UBR3: variants seen among roughly 807,000 people sequenced by gnomAD.
UBR3 encodes the protein ubiquitin protein ligase E3 component n-recognin 3, also known as E3 ubiquitin-protein ligase UBR3.
A neutral mutation model predicts 243.2 loss-of-function variants in UBR3; 85 were observed. The ratio of observed to expected loss-of-function variants is 0.35; its 90% confidence interval spans 0.29 to 0.42. UBR3 has a LOEUF of 0.42. Ranked by LOEUF, UBR3 falls within the 10% of genes least tolerant of loss-of-function variation. The probability of loss-of-function intolerance (pLI) is 1.00; values close to 1 mark genes in which losing one functional copy is unlikely to be tolerated. For missense variants in UBR3, 1,686 were observed against 2,300.8 expected, an observed-to-expected ratio of 0.73 and a Z score of 5.47; for synonymous variants, 748 against 799.8, an observed-to-expected ratio of 0.94 and a Z score of 1.09.
At chr2:169,982,656 G>A (rs1319942202) in intron 24 of UBR3, among the ~76,000 whole-genome samples, 1 of 151,756 alleles carries the variant, frequency 6.6e-6, no homozygotes, top group East Asian at 1.9e-4. Flanking sequence ...TATTCCAGAC[G>A]GAAACACCTT....
chr2:170,066,519 C>CT (rs35128265), intron 35 of UBR3, among the ~76,000 whole-genome samples: 1 of 151,952 alleles, frequency 6.6e-6, no homozygotes. Flanking sequence ...CTAGCCCCCC[C>CT]ACCTCCATAA....
intron 30 of UBR3, among the ~76,000 whole-genome samples, chr2:170,022,017 A>G (rs1220572611): frequency 6.6e-6 from 1 of 152,140 alleles, no homozygotes. Flanking sequence ...ATTTTAAACG[A>G]GGTGCTTAAA....
Position 170,007,166 on chromosome 2 carries a change from G to C in UBR3, c.4206G>C (p.Leu1402=). The change falls in exon 28 of 39, where the codon CTG becomes CTC. Residue 1402 remains leucine (L), a synonymous_variant. Transcript: ENST00000272793. ...IQDLIKEVEE[L]QGRPGAFPSE... The stretch of plus-strand genomic sequence containing the variant: ...ATCTCATAAAGGAAGTGGAGGAGCT[G>C]CAGGGACGACCGGGAGCTTTCCCAG... 1 of 1,608,114 alleles carries C rather than the reference G, an allele frequency of 6.2e-7. No individual in the cohort carries two copies.
rs1314442646 is a variant in UBR3 at position 170,080,035 on chromosome 2, T to C, written c.5409+12T>C. 5 of 1,598,072 alleles carry C rather than the reference T, an allele frequency of 3.1e-6. No individual in the cohort carries two copies. Among genetic ancestry groups the C allele is most frequent in the Non-Finnish European group, 4.3e-6 (5 of 1,174,512 alleles). ...GTGAATGTGTACTGGTAAGCAATAGTAGATAATACAAAATTTATGAAAACA... is the reference window on the plus strand; with the variant it reads ...GTGAATGTGTACTGGTAAGCAATAGCAGATAATACAAAATTTATGAAAACA... On this transcript the variant is annotated intron_variant, in intron 37 of 38. Transcript: ENST00000272793.
intron 1 of UBR3, among the ~76,000 whole-genome samples, chr2:169,851,369 T>TA (rs1377868265): frequency 1.3e-5 from 2 of 152,240 alleles, no homozygotes; most frequent in Non-Finnish European, 2.9e-5. Flanking sequence ...AATCAAGTGA[T>TA]ACGCCTGCCT....
intron 5 of UBR3, among the ~76,000 whole-genome samples, chr2:169,881,546 T>C (rs971497698): frequency 6.6e-6 from 1 of 150,984 alleles, no homozygotes; most frequent in Non-Finnish European, 1.5e-5. Context: ...AATAGGGTCA[T>C]TTAGGCATTT....
chr2:170,079,789 T>C (rs2091877223), intron 36 of UBR3, 25 bp from the exon 37 acceptor site: 4 of 1,577,232 alleles, frequency 2.5e-6, no homozygotes, highest in South Asian at 2.3e-5. Flanking sequence ...ATAAAACTAA[T>C]GAATATTTTT....
At position 170,007,144 on chromosome 2, in the gene UBR3, T is replaced by C; in HGVS notation, c.4184T>C (p.Leu1395Pro). Reference sequence around the variant, plus strand: ...CCTAGCAACAAAAGCATACAAGATCTCATAAAGGAAGTGGAGGAGCTGCAG... The same window carrying C: ...CCTAGCAACAAAAGCATACAAGATCCCATAAAGGAAGTGGAGGAGCTGCAG... ...QRPSNKSIQD[L>P]IKEVEELQGR... The change falls in exon 28 of 39, where the codon CTC becomes CCC. Residue 1395 changes from leucine to proline, a missense_variant. By Grantham distance (98) the Leu-to-Pro change is moderately conservative (BLOSUM62 -3). Coordinates refer to ENST00000272793, the MANE Select transcript of UBR3 (RefSeq NM_172070.4). The C allele has an allele frequency of 6.2e-7, 1 of 1,612,806 alleles. No homozygotes were observed. The highest frequency in any genetic ancestry group is 8.5e-7 in the Non-Finnish European group (1 of 1,179,462).
intron 1 of UBR3, among the ~76,000 whole-genome samples, chr2:169,840,250 C>T (rs189002162): frequency 6.6e-6 from 1 of 152,340 alleles, no homozygotes; most frequent in African/African-American, 2.4e-5. Flanking sequence ...TTCCCCCCAC[C>T]TCCCTCTGGG....
intron 1 of UBR3, among the ~76,000 whole-genome samples, chr2:169,837,136 TGTA>T (rs200639081): frequency 2.9e-3 from 438 of 152,336 alleles, no homozygotes; most frequent in African/African-American, 1.0e-2. Context: ...TATTTTTACA[TGTA>T]GTATGAGATT....
At chr2:170,080,070 T>C in intron 37 of UBR3, 47 bp downstream of exon 37, 1 of 1,523,954 alleles carries the variant, frequency 6.6e-7, no homozygotes, top group Non-Finnish European at 9.0e-7. Flanking sequence ...ACAGATCTCA[T>C]ATCACAAAAT....
Position 170,068,451 on chromosome 2 carries a change from G to C in UBR3, c.5020-4977G>C, listed in dbSNP as rs1026989590. On this transcript the variant is annotated intron_variant, in intron 35 of 38. Coordinates refer to ENST00000272793, the MANE Select transcript of UBR3 (RefSeq NM_172070.4). ...CCACTACACTCCAGTCTGGGTGACAGAGCGAGACCCTGTCTCAAAAAAATT... is the reference window on the plus strand; with the variant it reads ...CCACTACACTCCAGTCTGGGTGACACAGCGAGACCCTGTCTCAAAAAAATT... Among the ~76,000 whole-genome samples the C allele has an allele frequency of 2.0e-5, 3 of 152,154 alleles. No individual in the cohort carries two copies. The South Asian group carries it at 6.2e-4, about 32-fold the overall frequency.
chr2:170,072,430 C>T (rs954447155), intron 35 of UBR3, among the ~76,000 whole-genome samples: 6 of 125,864 alleles, frequency 4.8e-5, no homozygotes, highest in African/African-American at 1.8e-4. Flanking sequence ...TGTGGGGTAG[C>T]GGGAGGGGGG....
chr2:169,891,712 A>T (rs930842918), intron 6 of UBR3, among the ~76,000 whole-genome samples: 3 of 152,140 alleles, frequency 2.0e-5, no homozygotes, highest in African/African-American at 7.2e-5. Flanking sequence ...CAAAGGAGAA[A>T]GTATTATAAA....
chr2:170,007,188 C>G lies in UBR3; in HGVS notation c.4228C>G (p.Pro1410Ala). The change falls in exon 28 of 39, where the codon CCA (proline) becomes GCA (alanine). Residue 1410 changes from proline (P) to alanine (A), a missense_variant and splice_region_variant. Pro to Ala is a conservative substitution (Grantham distance 27). Coordinates refer to ENST00000272793, the MANE Select transcript of UBR3 (RefSeq NM_172070.4). ...GCTGCAGGGACGACCGGGAGCTTTC[C>G]CAGTAAGCATCAGTGTAAGGCATAA... ...EELQGRPGAF[P>A]SETNLSKEME... 6.3e-7 allele frequency: 1 copy of G among 1,592,244 alleles called. No individual in the cohort carries two copies. Among genetic ancestry groups the G allele is most frequent in the South Asian group, 1.1e-5 (1 of 87,962 alleles).
At chr2:169,924,218 T>A in intron 13 of UBR3, 45 bp downstream of exon 13, 1 of 1,383,556 alleles carries the variant, frequency 7.2e-7, no homozygotes, top group East Asian at 2.5e-5. Context: ...GATTCCTTGT[T>A]TAAGTGATTC....
intron 30 of UBR3, among the ~76,000 whole-genome samples, chr2:170,027,041 A>T (rs963197699): frequency 2.6e-5 from 4 of 152,058 alleles, no homozygotes; most frequent in South Asian, 4.2e-4. Flanking sequence ...CCTGAGACAG[A>T]GAGAGAAGGA....
intron 10 of UBR3, among the ~76,000 whole-genome samples, chr2:169,910,187 T>G (rs1319677408): frequency 6.6e-6 from 1 of 152,082 alleles, no homozygotes; most frequent in African/African-American, 2.4e-5. Context: ...CCCTTCGGCA[T>G]ATAGAAGATA....
intron 24 of UBR3, among the ~76,000 whole-genome samples, chr2:169,964,236 T>C (rs2087709135): frequency 1.3e-5 from 2 of 152,186 alleles, no homozygotes; most frequent in Non-Finnish European, 2.9e-5. Context: ...GCTCTGAAGT[T>C]ACTTAAGAGC....
Sources: allele counts gnomAD v4.1 joint callset (sites outside exome capture counted in the v4.1 genomes callset), GRCh38; gene constraint gnomAD v4.1.1; transcripts MANE v1.5; gene names NCBI Gene and HGNC (gene_info 2026-07-23, HGNC 2026-07-21).